RIF1: variants seen among roughly 807,000 people sequenced by gnomAD.
The protein encoded by RIF1 is replication timing regulatory factor 1.
RIF1 carries 45 observed loss-of-function variants against 247.1 expected under a neutral mutation model. The observed-to-expected ratio is 0.18, with a 90% CI of 0.14 to 0.23. The LOEUF (loss-of-function observed/expected upper bound fraction) is 0.23, where lower values mean the gene tolerates loss of function less well. Ranked by LOEUF, RIF1 falls within the 10% of genes least tolerant of loss-of-function variation. RIF1 has a pLI of 1.00. For synonymous variants in RIF1, 1,087 were observed against 978.8 expected, an observed-to-expected ratio of 1.11 and a Z score of -2.06; for missense variants, 2,967 against 2,862.5, an observed-to-expected ratio of 1.04 and a Z score of -0.83.
chr2:151,437,107 A>G (rs1691369821), intron 12 of RIF1, 104 bp downstream of exon 12: 2 of 1,199,784 alleles, frequency 1.7e-6, no homozygotes, highest in South Asian at 1.5e-5. Flanking sequence ...AATATTTTAC[A>G]GTTGTGTATG....
chr2:151,443,483 T>C (rs376882487), intron 17 of RIF1, 46 bp from the exon 18 acceptor site: 91 of 1,479,024 alleles, frequency 6.2e-5, no homozygotes, highest in Middle Eastern at 3.6e-4. Context: ...TAAATTAATA[T>C]ATTCCTGCCA....
intron 13 of RIF1, 50 bp from the exon 14 acceptor site, chr2:151,438,634 G>A (rs374603760): frequency 3.9e-5 from 44 of 1,116,682 alleles, no homozygotes; most frequent in South Asian, 2.0e-4. Context: ...GTCATAGTAC[G>A]TAGTCATATG....
chr2:151,514,232 T>C, the RIF1 span: 11 of 897,692 alleles, frequency 1.2e-5, no homozygotes, highest in Non-Finnish European at 2.0e-5. Context: ...TGTTCTCTGT[T>C]TTTGTTTTGC....
At chr2:151,496,561 A>C (rs1363335063) in intron 10 of RIF1, among the ~76,000 whole-genome samples, 2 of 152,188 alleles carry the variant, frequency 1.3e-5, no homozygotes, top group African/African-American at 4.8e-5. Flanking sequence ...CACCCTCTAG[A>C]GAAGCAGGGA....
At chr2:151,462,510 TCCATTATA>T (rs747113755) in intron 29 of RIF1, 44 bp downstream of exon 29, 3 of 1,254,996 alleles carry the variant, frequency 2.4e-6, no homozygotes, top group Non-Finnish European at 3.4e-6. Flanking sequence ...GAATCACCCT[TCCATTATA>T]CAGTCTGTTA....
At chr2:151,533,430 A>G in the RIF1 span, 3 of 1,530,546 alleles carry the variant, frequency 2.0e-6, no homozygotes, top group Non-Finnish European at 2.7e-6. Context: ...TTCACATCCC[A>G]TCAGACATTA....
At chr2:151,488,692 A>G (rs16830096) in intron 9 of RIF1, among the ~76,000 whole-genome samples, 35,042 of 151,968 alleles carry the variant, frequency 0.23, 4,728 homozygotes, top group Admixed American at 0.36. Flanking sequence ...TACTTCTACA[A>G]TTTTGTATTT....
chr2:151,431,830 G>T (rs1475276265), intron 9 of RIF1, among the ~76,000 whole-genome samples: 2 of 144,240 alleles, frequency 1.4e-5, no homozygotes, highest in Non-Finnish European at 3.1e-5. Flanking sequence ...AAGAATAGGA[G>T]ACCCCAAAAA....
chr2:151,435,643 G>T, intron 11 of RIF1, 63 bp downstream of exon 11: 4 of 814,230 alleles, frequency 4.9e-6, no homozygotes, highest in East Asian at 2.6e-5. Context: ...TAGAAGCATA[G>T]TTTTGAAGTA....
intron 9 of RIF1, chr2:151,489,983 TGGATG>T: frequency 6.3e-7 from 1 of 1,598,278 alleles, no homozygotes. Flanking sequence ...CAGCAGTAGA[TGGATG>T]AGATGGGATG....
At chr2:151,487,632 A>G (rs185692915) in intron 9 of RIF1, among the ~76,000 whole-genome samples, 46 of 152,160 alleles carry the variant, frequency 3.0e-4, no homozygotes, top group Admixed American at 9.2e-4. Flanking sequence ...TTTAGTTGTC[A>G]CCATTTTTTC....
At chr2:151,499,790 A>G (rs1387017217) in intron 11 of RIF1, among the ~76,000 whole-genome samples, 1 of 152,244 alleles carries the variant, frequency 6.6e-6, no homozygotes, top group African/African-American at 2.4e-5. Context: ...GGCCAAATCT[A>G]TGCAATATGG....
In RIF1 at chr2:151,437,276, T is replaced by C. The variant is rs1280495317; in HGVS notation, c.1408T>C (p.Phe470Leu). Residue 470 changes from phenylalanine to leucine, a missense_variant, in exon 13 of 36, where the codon TTT (phenylalanine) becomes CTT (leucine). Around this residue, in one of 7 missense-constraint regions of RIF1, gnomAD observed 369 missense variants for 322.0 expected, o/e 1.15. Transcript: ENST00000444746. ...ACATCCGTTAATCAGCAGCCCTTCC[T>C]TTTTTTCCAAACATGCAAATACACT... Reference protein sequence around the residue: ...LEHPLISSPSFFSKHANTLIT... With the variant: ...LEHPLISSPSLFSKHANTLIT... The C allele has an allele frequency of 1.2e-6, 2 of 1,610,736 alleles. No individual in the cohort carries two copies. The highest frequency in any genetic ancestry group is 2.2e-5 in the East Asian group (1 of 44,834).
chr2:151,500,512 TA>T (rs1000232126), intron 11 of RIF1, among the ~76,000 whole-genome samples: 11 of 149,314 alleles, frequency 7.4e-5, no homozygotes, highest in South Asian at 2.1e-4. Flanking sequence ...ATTTGTATAT[TA>T]AAAAAAAATC....
At chr2:151,427,093 C>T (rs772115019) in intron 8 of RIF1, among the ~76,000 whole-genome samples, 3 of 151,406 alleles carry the variant, frequency 2.0e-5, no homozygotes, top group Non-Finnish European at 2.9e-5. Context: ...TTTTTGTTAC[C>T]GGTTTATAGC....
At chr2:151,444,478 T>G (rs1692902505) in intron 18 of RIF1, among the ~76,000 whole-genome samples, 1 of 152,126 alleles carries the variant, frequency 6.6e-6, no homozygotes, top group Non-Finnish European at 1.5e-5. Context: ...CCCAGTTAAT[T>G]TTTGTATTTT....
In RIF1 at chr2:151,475,034, C is replaced by T; in HGVS notation, c.7382C>T (p.Ser2461Leu). 1.2e-6 allele frequency: 2 copies of T among 1,613,094 alleles called. No homozygotes were observed. Among genetic ancestry groups the T allele is most frequent in the Non-Finnish European group, 1.7e-6 (2 of 1,179,362 alleles). The change falls in exon 36 of 36, where the codon TCA (serine) becomes TTA (leucine). Residue 2461 changes from serine (S) to leucine (L), a missense_variant. Physicochemically the swap from Ser to Leu is moderately radical, Grantham distance 145. This residue lies in a region of RIF1 where 151 missense variants were observed against 163.4 expected (regional missense o/e 0.92). Coordinates refer to ENST00000444746, the MANE Select transcript of RIF1 (RefSeq NM_018151.5). ...MANSVIKNLQSRWRSPSHENS... is the reference protein window; with the variant it reads ...MANSVIKNLQLRWRSPSHENS... ...AACTCTGTAATAAAAAATCTACAGT[C>T]ACGTTGGAGATCACCATCCCATGAA...
rs760655260 is a variant in RIF1 at position 151,458,919 on chromosome 2, G to T, written c.2955+9G>T. The T allele has an allele frequency of 5.9e-6, 9 of 1,518,192 alleles. No homozygotes were observed. Among genetic ancestry groups the T allele is most frequent in the Non-Finnish European group, 8.2e-6 (9 of 1,100,892 alleles). 94.0% of individuals were successfully genotyped at this position (1,518,192 alleles called of 1,614,324 possible). ...GACCATATTCTGATGGAGTAAGTTG[G>T]GGGGTTTTATTGTTCATTTGTTTTT... On this transcript the variant is annotated intron_variant, in intron 25 of 35. Coordinates refer to ENST00000444746, the MANE Select transcript of RIF1 (RefSeq NM_018151.5).
the RIF1 span, chr2:151,533,399 G>A: frequency 7.5e-7 from 1 of 1,339,920 alleles, no homozygotes; most frequent in Non-Finnish European, 1.0e-6. Flanking sequence ...ATGCATCCAA[G>A]ACTTCTTCTA....
Sources: gnomAD v4.1 joint callset for allele counts (sites outside exome capture counted in the v4.1 genomes callset) on GRCh38, gnomAD v4.1.1 for gene constraint, gnomAD v4.1.1 regional missense constraint, MANE v1.5 for transcripts, NCBI Gene and HGNC (gene_info 2026-07-23, HGNC 2026-07-21) for gene names.